TNNT2: variants seen among roughly 807,000 people sequenced by gnomAD.
TNNT2 encodes the protein troponin T2, cardiac type, also known as troponin T, cardiac muscle.
Under a neutral mutation model 62.4 loss-of-function variants are expected in TNNT2, and 34 were observed. That is an observed-to-expected ratio of 0.54 (90% CI 0.41 to 0.72). TNNT2 has a LOEUF of 0.72. TNNT2 is among the 30% of genes least tolerant of loss of function. The probability of loss-of-function intolerance (pLI) is 0.00; values close to 1 mark genes in which losing one functional copy is unlikely to be tolerated. For synonymous variants in TNNT2, 123 were observed against 127.2 expected (o/e 0.97, Z 0.22); for missense variants, 275 against 381.9 (o/e 0.72, Z 2.33).
rs567140161 is a variant in TNNT2, at chr1:201,370,217, G to A, written c.68-372C>T. Among the ~76,000 whole-genome samples the A allele has an allele frequency of 5.1e-4, 78 of 152,344 alleles. 1 individual carries two copies. Among genetic ancestry groups the A allele is most frequent in the African/African-American group, 1.8e-3 (76 of 41,588 alleles). ...CCTTGGCCTCCTTCTTACTAAGACA[G>A]AGGCCCCTAAAGAGCAGAGAGTGGG... On this transcript the variant is annotated intron_variant, in intron 4 of 16. Coordinates refer to ENST00000656932, the MANE Select transcript of TNNT2 (RefSeq NM_001276345.2).
chr1:201,364,509 G>T, intron 10 of TNNT2, 134 bp from the exon 11 acceptor site: 1 of 860,772 alleles, frequency 1.2e-6, no homozygotes, highest in Non-Finnish European at 1.9e-6. Flanking sequence ...AATGGTGCCC[G>T]GCCTCCAAGG....
chr1:201,369,868 A>G lies in TNNT2; in HGVS notation c.68-23T>C, dbSNP rs1483728023. On this transcript the variant is annotated intron_variant, in intron 4 of 16. Transcript: ENST00000656932. ...CTTCTGAGGTTCAGGGAGTGGCCGCAGCGGAGGGGAAAAGCGAGACAGGTT... is the reference window on the plus strand; with the variant it reads ...CTTCTGAGGTTCAGGGAGTGGCCGCGGCGGAGGGGAAAAGCGAGACAGGTT... The G allele has an allele frequency of 2.5e-6, 4 of 1,614,012 alleles. No homozygotes were observed. In the African/African-American group the frequency reaches 5.3e-5, roughly 22 times the overall value.
At chr1:201,369,573 A>C (rs1210179838) in intron 5 of TNNT2, among the ~76,000 whole-genome samples, 1 of 152,056 alleles carries the variant, frequency 6.6e-6, no homozygotes, top group African/African-American at 2.4e-5. Context: ...CCCTCCCACC[A>C]CCCAACCCAG....
rs727504247 is a variant in TNNT2 at position 201,359,217 on chromosome 1, C to T, written c.890G>A (p.Trp297Ter). ...GGTGAAGGAGGCCAGGCTCTATTTCCAGCGCCCGGTGACTTTAGCCTTCCC... is the reference window on the plus strand; with the variant it reads ...GGTGAAGGAGGCCAGGCTCTATTTCTAGCGCCCGGTGACTTTAGCCTTCCC... Reference protein sequence around the residue: ...TRGKAKVTGRWK With the variant: ...TRGKAKVTGR Residue 297 changes from tryptophan to a stop codon, truncating the protein, a stop_gained, in exon 17 of 17, where the codon TGG (tryptophan) becomes TAG (stop). Coordinates refer to ENST00000656932, the MANE Select transcript of TNNT2 (RefSeq NM_001276345.2). LOFTEE classifies it high-confidence loss of function. 4.3e-6 allele frequency: 7 copies of T among 1,610,032 alleles called. No individual in the cohort carries two copies. The highest frequency in any genetic ancestry group is 1.7e-5 in the Admixed American group (1 of 59,510).
intron 7 of TNNT2, chr1:201,367,505 G>T: frequency 1.7e-6 from 1 of 588,298 alleles, no homozygotes; most frequent in East Asian, 2.8e-5. Flanking sequence ...TGACTTCTGG[G>T]TCCCATTGCT....
intron 2 of TNNT2, 108 bp downstream of exon 2, chr1:201,373,106 C>T (rs1384099619): frequency 8.8e-7 from 1 of 1,131,726 alleles, no homozygotes; most frequent in Non-Finnish European, 1.4e-6. Context: ...AAAACACACA[C>T]AGCTACTTCT....
chr1:201,369,914 G>A (rs1660367035), intron 4 of TNNT2, 69 bp from the exon 5 acceptor site: 15 of 1,578,174 alleles, frequency 9.5e-6, no homozygotes, highest in African/African-American at 2.7e-5. Context: ...CAGAGAGCCC[G>A]CGGCAGGAGC....
In TNNT2 at chr1:201,364,342, G is replaced by A. The variant is rs397516465; in HGVS notation, c.445C>T (p.Arg149Cys). 4 of 1,613,216 alleles carry A rather than the reference G, an allele frequency of 2.5e-6. No individual in the cohort carries two copies. Among genetic ancestry groups the A allele is most frequent in the Non-Finnish European group, 1.7e-6 (2 of 1,179,998 alleles). Residue 149 changes from arginine (R) to cysteine (C), a missense_variant, in exon 11 of 17, where the codon CGC (arginine) becomes TGC (cysteine). Transcript: ENST00000656932. Reference sequence around the variant, plus strand: ...TCCTTCTCCCGCTCATTCCGGATGCGCTGCTGCTCGGCCCGCTCTGCCCGA... The same window carrying A: ...TCCTTCTCCCGCTCATTCCGGATGCACTGCTGCTCGGCCCGCTCTGCCCGA... ...RRRAERAEQQ[R>C]IRNEREKERQ...
intron 2 of TNNT2, among the ~76,000 whole-genome samples, 184 bp from the exon 3 acceptor site, chr1:201,372,339 G>A (rs966879462): frequency 5.9e-5 from 9 of 152,076 alleles, no homozygotes; most frequent in African/African-American, 2.2e-4. Context: ...CTGGCCTGCC[G>A]TTCTCATGCA....
intron 1 of TNNT2, chr1:201,374,037 G>C (rs1438253500): frequency 6.5e-6 from 1 of 152,830 alleles, no homozygotes; most frequent in Non-Finnish European, 1.5e-5. Context: ...TGTGGTGATG[G>C]ATACGTGAAC....
chr1:201,361,877 G>C (rs765066821), intron 14 of TNNT2, 36 bp downstream of exon 14: 1 of 1,588,962 alleles, frequency 6.3e-7, no homozygotes, highest in Non-Finnish European at 8.6e-7. Context: ...GAGCAGATGC[G>C]GGCAGTGCCC....
intron 4 of TNNT2, 84 bp from the exon 5 acceptor site, chr1:201,369,929 A>G (rs1660370711): frequency 6.6e-7 from 1 of 1,507,706 alleles, no homozygotes; most frequent in Non-Finnish European, 9.2e-7. Flanking sequence ...AGGAGCAGCC[A>G]CCCAGCGCAG....
chr1:201,366,839 T>C lies in TNNT2; in HGVS notation c.232A>G (p.Arg78Gly). ...GPMEESKPKP[R>G]SFMPNLVPPK... The stretch of plus-strand genomic sequence containing the variant: ...CTACCCAGGTGCCTCCCCACTCACC[T>C]GGGCTTTGGTTTGGACTCCTCCATT... The change falls in exon 8 of 17, where the codon AGG becomes GGG. Residue 78 changes from arginine to glycine, a missense_variant and splice_region_variant. Coordinates refer to ENST00000656932, the MANE Select transcript of TNNT2 (RefSeq NM_001276345.2). 2 of 1,614,142 alleles carry C rather than the reference T, an allele frequency of 1.2e-6. No individual in the cohort carries two copies. Among genetic ancestry groups the C allele is most frequent in the Non-Finnish European group, 1.7e-6 (2 of 1,180,016 alleles).
chr1:201,367,902 G>C, intron 6 of TNNT2, 96 bp from the exon 7 acceptor site: 1 of 1,441,370 alleles, frequency 6.9e-7, no homozygotes, highest in Non-Finnish European at 9.8e-7. Flanking sequence ...ATAAGCCCTA[G>C]CCAAGATGCA....
chr1:201,373,954 C>T (rs116432528), intron 1 of TNNT2: 4 of 155,618 alleles, frequency 2.6e-5, no homozygotes, highest in African/African-American at 4.8e-5. Context: ...TGAGTGAGAA[C>T]TTGTCTCTAA....
Position 201,363,276 on chromosome 1 carries a change from C to T in TNNT2, c.600+20G>A. 6.2e-7 allele frequency: 1 copy of T among 1,613,860 alleles called. No individual in the cohort carries two copies. Among genetic ancestry groups the T allele is most frequent in the South Asian group, 1.1e-5 (1 of 91,064 alleles). On this transcript the variant is annotated intron_variant, in intron 12 of 16. Transcript: ENST00000656932. The stretch of plus-strand genomic sequence containing the variant: ...GGCTATACTAGGATCTCCTGGCAAC[C>T]CCTGCTGCTCCCTACCTACCTTCTG...
intron 1 of TNNT2, among the ~76,000 whole-genome samples, chr1:201,376,392 C>T (rs1219789112): frequency 1.3e-5 from 2 of 152,172 alleles, no homozygotes; most frequent in East Asian, 3.8e-4. Context: ...TAGAAACAGT[C>T]TCCGAGTTTC....
At chr1:201,367,529 G>A (rs910556992) in intron 7 of TNNT2, 4 of 617,884 alleles carry the variant, frequency 6.5e-6, no homozygotes, top group South Asian at 1.9e-5. Context: ...TCCAGACCAG[G>A]GGGCTGGACA....
chr1:201,368,954 G>C (rs1449701876), intron 5 of TNNT2, among the ~76,000 whole-genome samples: 2 of 152,208 alleles, frequency 1.3e-5, no homozygotes, highest in Non-Finnish European at 2.9e-5. Context: ...TCCCAGGTCT[G>C]AGTCCTCTCT....
Sources: allele counts gnomAD v4.1 joint callset (sites outside exome capture counted in the v4.1 genomes callset), GRCh38; gene constraint gnomAD v4.1.1; transcripts MANE v1.5; gene names NCBI Gene and HGNC (gene_info 2026-07-23, HGNC 2026-07-21).